Variants in PARD3B observed in about 807,000 individuals in gnomAD.
The protein encoded by PARD3B is par-3 family cell polarity regulator beta, also known as partitioning defective 3 homolog B.
PARD3B carries 103 observed loss-of-function variants against 130.2 expected under a neutral mutation model. The ratio of observed to expected loss-of-function variants is 0.79; its 90% CI spans 0.67 to 0.93. The LOEUF (loss-of-function observed/expected upper bound fraction) is 0.93. Among genes scored for constraint, PARD3B ranks in the 40% least tolerant of loss-of-function variants. PARD3B has a pLI of 0.00. For missense variants in PARD3B, 1,609 were observed against 1,499.2 expected, an observed-to-expected ratio of 1.07 and a Z score of -1.21; for synonymous variants, 583 against 553.2, an observed-to-expected ratio of 1.05 and a Z score of -0.76.
chr2:205,206,698 G>A (rs1056748827), intron 15 of PARD3B, among the ~76,000 whole-genome samples: 1 of 152,008 alleles, frequency 6.6e-6, no homozygotes, highest in Non-Finnish European at 1.5e-5. Context: ...TGTCTTTATA[G>A]CAGCATGCTT....
At chr2:205,220,504 T>G (rs935512550) in intron 15 of PARD3B, among the ~76,000 whole-genome samples, 1 of 152,210 alleles carries the variant, frequency 6.6e-6, no homozygotes, top group Non-Finnish European at 1.5e-5. Context: ...ACCAGCCTTT[T>G]ATTTAACAAA....
chr2:204,642,608 G>A (rs1429220161), intron 1 of PARD3B, among the ~76,000 whole-genome samples: 1 of 152,064 alleles, frequency 6.6e-6, no homozygotes, highest in Non-Finnish European at 1.5e-5. Flanking sequence ...TGGAGACTGA[G>A]AAAATATTCT....
intron 2 of PARD3B, among the ~76,000 whole-genome samples, chr2:204,936,181 A>C (rs934026124): frequency 3.9e-5 from 6 of 152,238 alleles, no homozygotes; most frequent in Non-Finnish European, 1.5e-5. Flanking sequence ...CCTGTGCTTC[A>C]TGCCACTGCT....
intron 15 of PARD3B, among the ~76,000 whole-genome samples, chr2:205,194,425 A>G (rs2036559514): frequency 6.6e-6 from 1 of 152,350 alleles, no homozygotes; most frequent in South Asian, 2.1e-4. Flanking sequence ...GGTCAGAAAG[A>G]GTATTTTCTC....
intron 5 of PARD3B, among the ~76,000 whole-genome samples, chr2:205,110,751 G>A (rs9288360): frequency 0.35 from 52,619 of 148,848 alleles, 10,026 homozygotes; most frequent in Admixed American, 0.52. Flanking sequence ...CTTATTTTCT[G>A]GCTACTATAC....
In PARD3B at chr2:205,605,619, C is replaced by G. The variant is rs561895344; in HGVS notation, c.3261-9837C>G. On this transcript the variant is annotated intron_variant, in intron 22 of 22. Transcript: ENST00000406610. The stretch of plus-strand genomic sequence containing the variant: ...AATAGCAAAGATGGCTGCCTGCTCC[C>G]TCCTGTAGGATCTCTGTCCCAGAGG... Among the ~76,000 whole-genome samples, 8 of 152,334 alleles carry G rather than the reference C, an allele frequency of 5.3e-5. No individual in the cohort carries two copies. The South Asian group carries it at 1.4e-3, about 28-fold the overall frequency.
rs768245607 is a variant in PARD3B, at chr2:204,606,300, C to G, written c.120+60181C>G. Among the ~76,000 whole-genome samples, 1 of 152,160 alleles carries G rather than the reference C, an allele frequency of 6.6e-6. No homozygotes were observed. Among genetic ancestry groups the G allele is most frequent in the African/African-American group, 2.4e-5 (1 of 41,448 alleles). On this transcript the variant is annotated intron_variant, in intron 1 of 22. Coordinates refer to ENST00000406610, the MANE Select transcript of PARD3B (RefSeq NM_001302769.2). The surrounding 1 kb of genome is among the most constrained non-coding windows in gnomAD (Gnocchi z 4.0). The stretch of plus-strand genomic sequence containing the variant: ...TGCTGCAGTAAGAATCTGGAAACCT[C>G]AGTGGCTTTAGTACTTTTTAGTACT...
Position 205,530,487 on chromosome 2 carries a change from T to C in PARD3B, c.3181-22837T>C, listed in dbSNP as rs2051540839. 6.6e-6 allele frequency among the ~76,000 whole-genome samples: 1 copy of C among 152,346 alleles called. No individual in the cohort carries two copies. The highest frequency in any genetic ancestry group is 1.9e-4 in the East Asian group (1 of 5,190). On this transcript the variant is annotated intron_variant, in intron 21 of 22. Transcript: ENST00000406610. The surrounding 1 kb of genome is among the most constrained non-coding windows in gnomAD (Gnocchi z 4.7). ...TCTTTTTGTTTTTATTTTCTCCTTT[T>C]CTGCTTTGTCTGCTTTCTTCCAGAA...
intron 19 of PARD3B, among the ~76,000 whole-genome samples, chr2:205,433,844 G>T (rs1339591409): frequency 1.3e-5 from 2 of 152,100 alleles, no homozygotes; most frequent in Non-Finnish European, 2.9e-5. Context: ...TTTATTTCTT[G>T]TTATTGCTGA....
intron 1 of PARD3B, among the ~76,000 whole-genome samples, chr2:204,676,718 G>A (rs1334421662): frequency 7.1e-6 from 1 of 141,136 alleles, no homozygotes; most frequent in Non-Finnish European, 1.5e-5. Flanking sequence ...CACCCAGGCT[G>A]GAGTGCAGTG....
chr2:205,088,427 G>A (rs527650656), intron 4 of PARD3B, among the ~76,000 whole-genome samples: 3 of 152,152 alleles, frequency 2.0e-5, no homozygotes, highest in Admixed American at 1.3e-4. Context: ...AAAATAATAG[G>A]GTAAAATGTG....
intron 2 of PARD3B, among the ~76,000 whole-genome samples, chr2:204,719,480 T>C (rs1364339224): frequency 6.6e-6 from 1 of 152,240 alleles, no homozygotes; most frequent in Admixed American, 6.5e-5. Flanking sequence ...ACTGCTAATT[T>C]AATTCACTGT....
intron 4 of PARD3B, among the ~76,000 whole-genome samples, chr2:205,093,871 TA>T (rs1174602029): frequency 1.3e-5 from 2 of 152,206 alleles, no homozygotes; most frequent in African/African-American, 4.8e-5. Context: ...GAGTCTCTCC[TA>T]ACTCTTTGTT....
chr2:205,533,479 T>C (rs1342258043), intron 21 of PARD3B, among the ~76,000 whole-genome samples: 2 of 152,190 alleles, frequency 1.3e-5, no homozygotes, highest in Admixed American at 1.3e-4. Context: ...ATCCATTTTC[T>C]TACCCCTATA....
At chr2:204,728,575 G>A (rs890951797) in intron 2 of PARD3B, among the ~76,000 whole-genome samples, 2 of 151,454 alleles carry the variant, frequency 1.3e-5, no homozygotes, top group African/African-American at 4.9e-5. Context: ...ATACCTATTT[G>A]TGTAATACTC....
intron 19 of PARD3B, among the ~76,000 whole-genome samples, chr2:205,409,551 A>G (rs1452853443): frequency 6.6e-6 from 1 of 152,162 alleles, no homozygotes; most frequent in Non-Finnish European, 1.5e-5. Flanking sequence ...ATGCCATGCC[A>G]GCATTTTTTA....
chr2:205,382,625 A>G (rs1198528972), intron 18 of PARD3B, among the ~76,000 whole-genome samples: 2 of 152,024 alleles, frequency 1.3e-5, no homozygotes, highest in Admixed American at 6.6e-5. Context: ...TGGTGTTTCA[A>G]TGGTGATTTC....
chr2:205,594,849 A>C, intron 22 of PARD3B, among the ~76,000 whole-genome samples: 1 of 152,198 alleles, frequency 6.6e-6, no homozygotes, highest in East Asian at 1.9e-4. Context: ...TCAGCCATAA[A>C]GTTTGGATTT....
At chr2:205,095,309 A>G (rs565366287) in intron 4 of PARD3B, among the ~76,000 whole-genome samples, 7 of 152,310 alleles carry the variant, frequency 4.6e-5, no homozygotes, top group African/African-American at 9.6e-5. Context: ...ACATGTTTAT[A>G]TCAGTCTTGT....
Sources: gnomAD v4.1 joint callset for allele counts (sites outside exome capture counted in the v4.1 genomes callset) on GRCh38, gnomAD v4.1.1 for gene constraint, Gnocchi (gnomAD v3.1) non-coding constraint, MANE v1.5 for transcripts, NCBI Gene and HGNC (gene_info 2026-07-23, HGNC 2026-07-21) for gene names.